Variants in ZFHX3 observed in about 807,000 individuals in gnomAD.
ZFHX3 encodes the protein zinc finger homeobox protein 3.
A neutral mutation model predicts 279.1 loss-of-function variants in ZFHX3; 42 were observed. The observed-to-expected ratio is 0.15, with a 90% CI of 0.12 to 0.19. The LOEUF is 0.19. Among genes scored for constraint, ZFHX3 ranks in the 10% least tolerant of loss-of-function variants. The probability of loss-of-function intolerance (pLI) is 1.00; values close to 1 mark genes in which losing one functional copy is unlikely to be tolerated. For missense variants in ZFHX3, 4,981 were observed against 4,754.0 expected (o/e 1.05, Z -1.40); for synonymous variants, 2,293 against 1,957.8 (o/e 1.17, Z -4.52).
intron 4 of ZFHX3, among the ~76,000 whole-genome samples, chr16:72,845,426 C>T (rs534168004): frequency 3.3e-5 from 5 of 152,306 alleles, no homozygotes; most frequent in East Asian, 1.9e-4. Context: ...ATGAAGTCAT[C>T]GCATGCACAG....
chr16:73,240,424 C>A (rs533838481), intron 5 of ZFHX3, among the ~76,000 whole-genome samples: 1 of 151,924 alleles, frequency 6.6e-6, no homozygotes, highest in Non-Finnish European at 1.5e-5. Flanking sequence ...TCCCCATGTT[C>A]GCCAGTCTGA....
At chr16:73,338,353 A>G (rs1337206107) in intron 3 of ZFHX3, among the ~76,000 whole-genome samples, 2 of 152,046 alleles carry the variant, frequency 1.3e-5, no homozygotes, top group Non-Finnish European at 1.5e-5. Flanking sequence ...AGCTTCCCCA[A>G]CCGGGAGGCT....
chr16:73,269,873 G>A (rs10459856), intron 4 of ZFHX3, among the ~76,000 whole-genome samples: 22,228 of 151,664 alleles, frequency 0.15, 1,713 homozygotes, highest in East Asian at 0.23. Context: ...CTCAGTCTCC[G>A]GAGTAGCTGG....
intron 1 of ZFHX3, among the ~76,000 whole-genome samples, chr16:73,032,148 T>G (rs1371592524): frequency 1.3e-5 from 2 of 151,978 alleles, no homozygotes; most frequent in African/African-American, 2.4e-5. Context: ...AATTAAAAAA[T>G]TAGCCAGACG....
Position 72,793,513 on chromosome 16 carries a change from C to T in ZFHX3, c.9169G>A (p.Gly3057Arg). 6.2e-7 allele frequency: 1 copy of T among 1,614,166 alleles called. No individual in the cohort carries two copies. The highest frequency in any genetic ancestry group is 8.5e-7 in the Non-Finnish European group (1 of 1,180,040). ...QHISKVKDTIGSQLDKEKEYF... is the reference protein window; with the variant it reads ...QHISKVKDTIRSQLDKEKEYF... ...TCTTTCTCCTTGTCCAGCTGGCTTC[C>T]AATGGTGTCTTTAACTTTGGAGATA... Residue 3057 changes from glycine (G) to arginine (R), a missense_variant, in exon 9 of 10, where the codon GGA (glycine) becomes AGA (arginine). Physicochemically the swap from Gly to Arg is moderately radical, Grantham distance 125. Around this residue, in one of 7 missense-constraint regions of ZFHX3, gnomAD observed 168 missense variants for 249.1 expected, o/e 0.67. Coordinates refer to ENST00000268489, the MANE Select transcript of ZFHX3 (RefSeq NM_006885.4). The surrounding 1 kb of genome is among the most constrained non-coding windows in gnomAD (Gnocchi z 4.3).
rs779040466 is a variant in ZFHX3, at chr16:72,788,067, G to T, written c.10209C>A (p.Val3403=). 5.6e-6 allele frequency: 9 copies of T among 1,611,806 alleles called. No homozygotes were observed. Among genetic ancestry groups the T allele is most frequent in the Admixed American group, 1.7e-5 (1 of 59,990 alleles). The change falls in exon 10 of 10, where the codon GTC becomes GTA. Residue 3403 remains valine, a synonymous_variant. Transcript: ENST00000268489. ...TGTCTGGGGAAGGAGCCCCGGGGGG[G>T]ACTGGGGTTTGGCTTGCTTTGGGCT... The part of the protein sequence containing the change: ...QQQPKASQTP[V]PPGAPSPDKD...
At chr16:73,603,772 CTT>C (rs11459049) in intron 2 of ZFHX3, among the ~76,000 whole-genome samples, 49,935 of 104,734 alleles carry the variant, frequency 0.48, 10,776 homozygotes, top group East Asian at 0.7. Context: ...AAAAAATACG[CTT>C]TTTTTTTTTT....
intron 2 of ZFHX3, among the ~76,000 whole-genome samples, chr16:73,564,323 G>C (rs544100887): frequency 6.6e-6 from 1 of 152,134 alleles, no homozygotes; most frequent in Non-Finnish European, 1.5e-5. Flanking sequence ...CACAGCTTCC[G>C]CCGATTCCAT....
chr16:73,515,892 A>G lies in ZFHX3; in HGVS notation c.-1546-59634T>C, dbSNP rs576926049. 4.6e-5 allele frequency among the ~76,000 whole-genome samples: 7 copies of G among 152,356 alleles called. No homozygotes were observed. In the South Asian group the frequency reaches 1.4e-3, roughly 32 times the overall value. On this transcript the variant is annotated intron_variant, in intron 2 of 17. Transcript: ENST00000641206. ...TCAGTCAAACAAGCCCATCTGGAAGATGATGTAGAGTCAGTCAAGATATTA... is the reference window on the plus strand; with the variant it reads ...TCAGTCAAACAAGCCCATCTGGAAGGTGATGTAGAGTCAGTCAAGATATTA...
intron 1 of ZFHX3, among the ~76,000 whole-genome samples, chr16:72,983,410 G>A (rs1327323229): frequency 1.3e-5 from 2 of 152,318 alleles, no homozygotes; most frequent in African/African-American, 2.4e-5. Flanking sequence ...CAAAGGGGTC[G>A]ACAGAGAAGG....
At chr16:73,582,297 C>T (rs1215607841) in intron 2 of ZFHX3, among the ~76,000 whole-genome samples, 1 of 151,770 alleles carries the variant, frequency 6.6e-6, no homozygotes, top group Admixed American at 6.6e-5. Context: ...TTCACACTAG[C>T]TTTCATTTGT....
chr16:72,979,337 G>A (rs1460003169), intron 1 of ZFHX3, among the ~76,000 whole-genome samples: 2 of 152,134 alleles, frequency 1.3e-5, no homozygotes, highest in Non-Finnish European at 2.9e-5. Context: ...GCTTACCTAA[G>A]GCCTATGGAA....
intron 2 of ZFHX3, among the ~76,000 whole-genome samples, chr16:73,529,413 T>C (rs2143723525): frequency 6.6e-6 from 1 of 152,338 alleles, no homozygotes; most frequent in South Asian, 2.1e-4. Context: ...GTTTCACTCA[T>C]GTGATGTGTT....
At chr16:73,772,695 C>T (rs193083147) in intron 1 of ZFHX3, among the ~76,000 whole-genome samples, 3 of 152,330 alleles carry the variant, frequency 2.0e-5, no homozygotes, top group East Asian at 1.9e-4. Flanking sequence ...ATCTCATCCT[C>T]GGCCTGCAGC....
chr16:73,721,695 C>T (rs1443430543), intron 1 of ZFHX3, among the ~76,000 whole-genome samples: 1 of 152,194 alleles, frequency 6.6e-6, no homozygotes, highest in East Asian at 1.9e-4. Context: ...AGAACAATAT[C>T]TCAACTCTGG....
chr16:72,910,983 G>T (rs1284166606), intron 3 of ZFHX3, among the ~76,000 whole-genome samples: 2 of 152,204 alleles, frequency 1.3e-5, no homozygotes, highest in Non-Finnish European at 2.9e-5. Flanking sequence ...AATGTGGCTG[G>T]CAAGTAGGAG....
upstream of ZFHX3, among the ~76,000 whole-genome samples, chr16:73,063,071 C>T (rs997435243): frequency 4.6e-5 from 7 of 152,226 alleles, no homozygotes; most frequent in African/African-American, 7.2e-5. Flanking sequence ...TTGCAGCGCC[C>T]GGCAGCCTCG....
intron 3 of ZFHX3, among the ~76,000 whole-genome samples, chr16:73,344,246 C>A (rs578160589): frequency 6.6e-6 from 1 of 152,280 alleles, no homozygotes; most frequent in South Asian, 2.1e-4. Flanking sequence ...AGCATCACTT[C>A]TGGGGTGTTT....
chr16:73,031,287 G>GA (rs397854694), intron 1 of ZFHX3, among the ~76,000 whole-genome samples: 1 of 152,154 alleles, frequency 6.6e-6, no homozygotes, highest in Non-Finnish European at 1.5e-5. Context: ...GGCGGGGGGG[G>GA]AAGTAAACAT....
Sources: gnomAD v4.1 joint callset for allele counts (sites outside exome capture counted in the v4.1 genomes callset) on GRCh38, gnomAD v4.1.1 for gene constraint, gnomAD v4.1.1 regional missense constraint, Gnocchi (gnomAD v3.1) non-coding constraint, MANE v1.5 for transcripts, NCBI Gene and HGNC (gene_info 2026-07-23, HGNC 2026-07-21) for gene names.